GLIS3: variants seen among roughly 807,000 people sequenced by gnomAD.
GLIS3 encodes GLIS family zinc finger 3, also known as zinc finger protein GLIS3.
A neutral mutation model predicts 78.6 loss-of-function variants in GLIS3; 53 were observed. The observed-to-expected ratio is 0.67, with a 90% CI of 0.54 to 0.85. GLIS3 has a LOEUF of 0.85. GLIS3 is among the 40% of genes least tolerant of loss of function. GLIS3 has a pLI of 0.00. For missense variants in GLIS3, 1,703 were observed against 1,231.1 expected, an observed-to-expected ratio of 1.38 and a Z score of -5.74; for synonymous variants, 684 against 509.9, an observed-to-expected ratio of 1.34 and a Z score of -4.60.
rs1257801921 is a variant in GLIS3, at chr9:4,280,619, A to C, written c.388+5419T>G. On this transcript the variant is annotated intron_variant, in intron 2 of 10. Coordinates refer to ENST00000381971, the MANE Select transcript of GLIS3 (RefSeq NM_001042413.2). ...AAGAATGAATTGTATTTAAGAAATAAGTTATGCAATGATTGGTTAATTTAA... is the reference window on the plus strand; with the variant it reads ...AAGAATGAATTGTATTTAAGAAATACGTTATGCAATGATTGGTTAATTTAA... Among the ~76,000 whole-genome samples, 3 of 152,166 alleles carry C rather than the reference A, an allele frequency of 2.0e-5. No homozygotes were observed. The East Asian group carries it at 5.8e-4, about 29-fold the overall frequency.
chr9:4,190,068 C>G (rs1818194631), intron 2 of GLIS3, among the ~76,000 whole-genome samples: 2 of 152,090 alleles, frequency 1.3e-5, no homozygotes, highest in African/African-American at 4.8e-5. Flanking sequence ...GTAGATAAAA[C>G]CACAAAGATG....
chr9:4,391,990 G>A, the GLIS3 span, among the ~76,000 whole-genome samples: 3 of 152,228 alleles, frequency 2.0e-5, no homozygotes, highest in East Asian at 3.9e-4. Flanking sequence ...GCAAAGACAT[G>A]GAATCAATGC....
intron 4 of GLIS3, among the ~76,000 whole-genome samples, chr9:4,064,755 G>C (rs551223417): frequency 6.6e-6 from 1 of 152,204 alleles, no homozygotes; most frequent in Non-Finnish European, 1.5e-5. Context: ...GACTGCGCCA[G>C]TCAGAGAGGA....
intron 2 of GLIS3, among the ~76,000 whole-genome samples, chr9:4,332,305 A>C (rs7866415): frequency 0.43 from 66,023 of 151,966 alleles, 15,348 homozygotes; most frequent in African/African-American, 0.6. Flanking sequence ...TTTTGGAGGC[A>C]GGGACTGTTA....
chr9:4,091,433 T>C (rs1829492883), intron 4 of GLIS3, among the ~76,000 whole-genome samples: 2 of 152,092 alleles, frequency 1.3e-5, no homozygotes, highest in African/African-American at 4.8e-5. Context: ...CATTTTCCAT[T>C]TATCCTTAGT....
chr9:4,263,208 T>G (rs972384676), intron 2 of GLIS3, among the ~76,000 whole-genome samples: 6 of 152,166 alleles, frequency 3.9e-5, no homozygotes, highest in Admixed American at 6.5e-5. Flanking sequence ...GTGATAAACT[T>G]CTCAGTGGCT....
intron 6 of GLIS3, among the ~76,000 whole-genome samples, chr9:3,902,920 G>C (rs2130632276): frequency 6.6e-6 from 1 of 152,336 alleles, no homozygotes; most frequent in Non-Finnish European, 1.5e-5. Context: ...TGGGCATCTA[G>C]TTAGCAGATA....
rs80148172 is a variant in GLIS3 at position 4,164,113 on chromosome 9, G to A, written c.389-38172C>T. On this transcript the variant is annotated intron_variant, in intron 2 of 10. Transcript: ENST00000381971. ...CTGGTTTTAATTTCCCGGATGTTAT[G>A]AGTCCACATTTAACTGCCTCCTTCA... is the stretch of plus-strand genomic sequence containing the variant. Among the ~76,000 whole-genome samples, 137 of 152,314 alleles carry A rather than the reference G, an allele frequency of 9.0e-4. 1 individual carries two copies. The East Asian group carries it at 0.023, about 26-fold the overall frequency.
intron 4 of GLIS3, among the ~76,000 whole-genome samples, chr9:3,998,556 T>G (rs1422685304): frequency 1.3e-5 from 2 of 151,726 alleles, no homozygotes; most frequent in African/African-American, 4.8e-5. Context: ...GAGTTTAAGA[T>G]TTCTTTGCAG....
intron 4 of GLIS3, among the ~76,000 whole-genome samples, chr9:4,013,959 AG>A (rs1019040611): frequency 3.9e-5 from 6 of 152,206 alleles, no homozygotes; most frequent in Non-Finnish European, 8.8e-5. Context: ...TCCCAAAGAC[AG>A]GGGAGTGCCT....
chr9:4,416,975 G>A, the GLIS3 span, among the ~76,000 whole-genome samples: 2 of 152,036 alleles, frequency 1.3e-5, no homozygotes, highest in African/African-American at 4.8e-5. Flanking sequence ...TACGCTGACT[G>A]TGAATTTATC....
At chr9:3,888,101 A>G (rs758158567) in intron 7 of GLIS3, among the ~76,000 whole-genome samples, 1 of 152,140 alleles carries the variant, frequency 6.6e-6, no homozygotes, top group Non-Finnish European at 1.5e-5. Flanking sequence ...TGTTATGTTA[A>G]CCCTCATTGG....
intron 4 of GLIS3, among the ~76,000 whole-genome samples, chr9:4,104,388 G>C (rs1337350988): frequency 6.6e-6 from 1 of 152,110 alleles, no homozygotes; most frequent in Admixed American, 6.6e-5. Flanking sequence ...TAGATAGCCA[G>C]AATCCAACCA....
intron 4 of GLIS3, among the ~76,000 whole-genome samples, chr9:3,957,246 G>T (rs115479951): frequency 2.8e-4 from 43 of 152,296 alleles, no homozygotes; most frequent in African/African-American, 9.1e-4. Flanking sequence ...CGCTGCCTAC[G>T]CATTAAACCT....
chr9:4,411,430 T>C, the GLIS3 span, among the ~76,000 whole-genome samples: 1 of 152,338 alleles, frequency 6.6e-6, no homozygotes. Flanking sequence ...ACCCATAATG[T>C]TCTTGTACAT....
intron 2 of GLIS3, chr9:4,145,077 A>T (rs1038992531): frequency 6.6e-6 from 1 of 152,218 alleles, no homozygotes; most frequent in African/African-American, 2.4e-5. Context: ...TAACCTTCAT[A>T]AAGGTAAGGC....
At chr9:4,159,869 G>C (rs1249473140) in intron 2 of GLIS3, among the ~76,000 whole-genome samples, 1 of 152,190 alleles carries the variant, frequency 6.6e-6, no homozygotes, top group South Asian at 2.1e-4. Context: ...CAAGCCAATA[G>C]GGTTTCCAAA....
intron 4 of GLIS3, among the ~76,000 whole-genome samples, chr9:4,012,765 C>CTTT (rs71324278): frequency 9.5e-3 from 633 of 66,430 alleles, no homozygotes; most frequent in Non-Finnish European, 0.012. Context: ...TTTTCTTTTT[C>CTTT]TTTTTTTTTT....
At chr9:4,427,642 T>A in the GLIS3 span, among the ~76,000 whole-genome samples, 1 of 152,112 alleles carries the variant, frequency 6.6e-6, no homozygotes, top group Non-Finnish European at 1.5e-5. Flanking sequence ...GGGGATCACT[T>A]GAGGCCAGGA....
Sources: allele counts gnomAD v4.1 joint callset (sites outside exome capture counted in the v4.1 genomes callset), GRCh38; gene constraint gnomAD v4.1.1; transcripts MANE v1.5; gene names NCBI Gene and HGNC (gene_info 2026-07-23, HGNC 2026-07-21).